Variants in C2orf66 observed in about 807,000 individuals in gnomAD.
C2orf66 encodes the protein chromosome 2 open reading frame 66.
C2orf66 carries 6 observed loss-of-function variants against 7.0 expected under a neutral mutation model. The observed-to-expected ratio is 0.86, with a 90% CI of 0.47 to 1.69. The LOEUF (loss-of-function observed/expected upper bound fraction) is 1.69, where lower values mean the gene tolerates loss of function less well. Among genes scored for constraint, C2orf66 ranks in the 40% most tolerant of loss-of-function variants. The probability of loss-of-function intolerance (pLI) is 0.01; values close to 1 mark genes in which losing one functional copy is unlikely to be tolerated. For synonymous variants in C2orf66, 38 were observed against 43.8 expected (o/e 0.87, Z 0.52); for missense variants, 107 against 112.0 (o/e 0.96, Z 0.20).
At chr2:196,829,645 C>G in the C2orf66 span, among the ~76,000 whole-genome samples, 4 of 151,404 alleles carry the variant, frequency 2.6e-5, no homozygotes, top group South Asian at 8.4e-4. Context: ...CACCTGTAAT[C>G]CCAGCACTTT....
chr2:196,822,151 A>G, the C2orf66 span, among the ~76,000 whole-genome samples: 4 of 151,376 alleles, frequency 2.6e-5, no homozygotes, highest in Non-Finnish European at 5.9e-5. Context: ...CTGACCTCAA[A>G]ATCTGCCCGC....
intron 1 of C2orf66, 96 bp downstream of exon 1, chr2:196,809,118 C>T (rs1284036984): frequency 7.7e-7 from 1 of 1,293,712 alleles, no homozygotes; most frequent in Non-Finnish European, 1.1e-6. Context: ...TTGGTAGCCC[C>T]CTTTCCACTA....
At chr2:196,820,122 A>G in the C2orf66 span, among the ~76,000 whole-genome samples, 1 of 152,244 alleles carries the variant, frequency 6.6e-6, no homozygotes, top group Non-Finnish European at 1.5e-5. Context: ...TTCATATTCA[A>G]TATGGTAGTC....
At chr2:196,807,676 A>T (rs1364516670) in intron 1 of C2orf66, 54 bp from the exon 2 acceptor site, 3 of 1,440,198 alleles carry the variant, frequency 2.1e-6, no homozygotes, top group Non-Finnish European at 2.9e-6. Flanking sequence ...CACCAAAAAT[A>T]AAGGTGTTTT....
At position 196,804,624 on chromosome 2, in the gene C2orf66, A is replaced by G. The variant is rs1699799691; in HGVS notation, c.*804T>C. The stretch of plus-strand genomic sequence containing the variant: ...AGCTATTCCAAATGTGAGTATGGGA[A>G]TCAGAATAACTCAGCATGAGCTAGA... On this transcript the variant is annotated 3_prime_UTR_variant, in exon 3 of 3. Coordinates refer to ENST00000342506, the MANE Select transcript of C2orf66 (RefSeq NM_213608.3). Among the ~76,000 whole-genome samples the G allele has an allele frequency of 6.6e-6, 1 of 152,228 alleles. No individual in the cohort carries two copies. Among genetic ancestry groups the G allele is most frequent in the Non-Finnish European group, 1.5e-5 (1 of 68,042 alleles).
At position 196,805,097 on chromosome 2, in the gene C2orf66, T is replaced by A. The variant is rs2125757108; in HGVS notation, c.*331A>T. The A allele has an allele frequency of 6.6e-6, 1 of 152,336 alleles. No individual in the cohort carries two copies. The highest frequency in any genetic ancestry group is 2.1e-4 in the South Asian group (1 of 4,822). The allele number at this position is 152,336 out of a possible 1,614,324, so 9.4% of individuals were successfully genotyped here. On this transcript the variant is annotated 3_prime_UTR_variant, in exon 3 of 3. Coordinates refer to ENST00000342506, the MANE Select transcript of C2orf66 (RefSeq NM_213608.3). ...GATAATAAACATAAAAGACAAGTTTTAAAAACAAGCTTAAAGAAACATCTA... is the reference window on the plus strand; with the variant it reads ...GATAATAAACATAAAAGACAAGTTTAAAAAACAAGCTTAAAGAAACATCTA...
chr2:196,819,192 C>T, the C2orf66 span, among the ~76,000 whole-genome samples: 3 of 152,234 alleles, frequency 2.0e-5, no homozygotes, highest in South Asian at 2.1e-4. Flanking sequence ...TCATTTCAAC[C>T]GTTCTTGCCA....
intron 1 of C2orf66, among the ~76,000 whole-genome samples, chr2:196,808,816 T>C (rs974763778): frequency 2.6e-5 from 4 of 152,204 alleles, no homozygotes; most frequent in Non-Finnish European, 5.9e-5. Flanking sequence ...AGCTTGGCAA[T>C]CTCTAGTTAT....
chr2:196,825,661 G>A, the C2orf66 span, among the ~76,000 whole-genome samples: 1 of 152,212 alleles, frequency 6.6e-6, no homozygotes, highest in Non-Finnish European at 1.5e-5. Flanking sequence ...TTCTCCAGAG[G>A]AGGGTGTGTA....
Position 196,807,416 on chromosome 2 carries a change from A to G in C2orf66, c.*19+8T>C. On this transcript the variant is annotated splice_region_variant and intron_variant, in intron 2 of 2. Coordinates refer to ENST00000342506, the MANE Select transcript of C2orf66 (RefSeq NM_213608.3). ...TGGACAGATCCAGAATAAAGGGCCA[A>G]CTTTTACCTGAGCTCAGAAGAAACT... 1 of 1,578,524 alleles carries G rather than the reference A, an allele frequency of 6.3e-7. No homozygotes were observed. The highest frequency in any genetic ancestry group is 8.6e-7 in the Non-Finnish European group (1 of 1,160,068).
chr2:196,827,251 A>C, the C2orf66 span, among the ~76,000 whole-genome samples: 1 of 151,360 alleles, frequency 6.6e-6, no homozygotes, highest in African/African-American at 2.4e-5. Context: ...AAAAAAAAAA[A>C]AAAAAAAAGG....
At chr2:196,828,876 G>GA in the C2orf66 span, among the ~76,000 whole-genome samples, 1 of 152,148 alleles carries the variant, frequency 6.6e-6, no homozygotes, top group African/African-American at 2.4e-5. Context: ...ACAACAAACG[G>GA]AATGAGCCTC....
At position 196,804,649 on chromosome 2, in the gene C2orf66, A is replaced by C. The variant is rs1699799832; in HGVS notation, c.*779T>G. ...ATCAGAATAACTCAGCATGAGCTAG[A>C]GTAAGGAGAGCAGGGGCTGGTTGGA... On this transcript the variant is annotated 3_prime_UTR_variant, in exon 3 of 3. Transcript: ENST00000342506. Among the ~76,000 whole-genome samples the C allele has an allele frequency of 6.6e-6, 1 of 152,216 alleles. No homozygotes were observed. Among genetic ancestry groups the C allele is most frequent in the South Asian group, 2.1e-4 (1 of 4,830 alleles).
At chr2:196,810,592 A>G (rs1699865175), upstream of C2orf66, among the ~76,000 whole-genome samples, 1 of 152,212 alleles carries the variant, frequency 6.6e-6, no homozygotes, top group South Asian at 2.1e-4. Context: ...ATTGGACTTG[A>G]GTTGTGACGT....
chr2:196,830,272 A>G, the C2orf66 span, among the ~76,000 whole-genome samples: 6 of 152,140 alleles, frequency 3.9e-5, no homozygotes, highest in Non-Finnish European at 7.4e-5. Context: ...CCCCTCCCCT[A>G]AAGATCAAAT....
chr2:196,829,656 G>C, the C2orf66 span, among the ~76,000 whole-genome samples: 18,269 of 151,838 alleles, frequency 0.12, 1,248 homozygotes, highest in Middle Eastern at 0.18. Context: ...CCAGCACTTT[G>C]GGGTGCCGAG....
At chr2:196,809,169 G>C in intron 1 of C2orf66, 45 bp downstream of exon 1, 1 of 1,563,166 alleles carries the variant, frequency 6.4e-7, no homozygotes, top group Non-Finnish European at 8.7e-7. Context: ...AATCCAAAGA[G>C]GCATTAGTTC....
chr2:196,815,136 T>C, the C2orf66 span, among the ~76,000 whole-genome samples: 1 of 151,934 alleles, frequency 6.6e-6, no homozygotes, highest in Non-Finnish European at 1.5e-5. Context: ...GGCTCTCTTT[T>C]TTTTTTCTTT....
the C2orf66 span, among the ~76,000 whole-genome samples, chr2:196,820,289 G>T: frequency 6.6e-6 from 1 of 152,066 alleles, no homozygotes; most frequent in Non-Finnish European, 1.5e-5. Context: ...TGGAAACTTC[G>T]GGCCCTATTT....
Sources: allele counts gnomAD v4.1 joint callset (sites outside exome capture counted in the v4.1 genomes callset), GRCh38; gene constraint gnomAD v4.1.1; transcripts MANE v1.5; gene names NCBI Gene and HGNC (gene_info 2026-07-23, HGNC 2026-07-21).